Variants in TRAPPC8 observed in about 807,000 individuals in gnomAD.
TRAPPC8 encodes trafficking protein particle complex subunit 8.
TRAPPC8 carries 54 observed loss-of-function variants against 174.3 expected under a neutral mutation model. That is an observed-to-expected ratio of 0.31 (90% CI 0.25 to 0.39). The LOEUF is 0.39. Among genes scored for constraint, TRAPPC8 ranks in the 10% least tolerant of loss-of-function variants. The pLI is 1.00. For missense variants in TRAPPC8, 1,531 were observed against 1,699.1 expected (o/e 0.90, Z 1.74); for synonymous variants, 630 against 579.9 (o/e 1.09, Z -1.24).
In TRAPPC8 at chr18:31,852,335, T is replaced by A. The variant is rs554154986; in HGVS notation, c.3561+111A>T. The A allele has an allele frequency of 4.7e-5, 56 of 1,186,782 alleles. No homozygotes were observed. In the South Asian group the frequency reaches 7.9e-4, roughly 17 times the overall value. The allele number at this position is 1,186,782 out of a possible 1,614,324, so 73.5% of individuals were successfully genotyped here. On this transcript the variant is annotated intron_variant, in intron 24 of 28. Transcript: ENST00000283351. ...CTGGGAGACAGAGCAAGACCTTGTC[T>A]CCCCCCCAAAAAAAAGCGTTTGGGA...
At chr18:31,846,311 C>A (rs1057435187) in intron 26 of TRAPPC8, among the ~76,000 whole-genome samples, 1 of 152,166 alleles carries the variant, frequency 6.6e-6, no homozygotes, top group South Asian at 2.1e-4. Context: ...TGGTAGCTCA[C>A]GCCTATAATC....
At chr18:31,840,239 C>A (rs2033013480) in intron 26 of TRAPPC8, among the ~76,000 whole-genome samples, 1 of 152,072 alleles carries the variant, frequency 6.6e-6, no homozygotes, top group Non-Finnish European at 1.5e-5. Flanking sequence ...CACCTGTAAT[C>A]CTAGCTACTC....
At chr18:31,910,367 A>C (rs1317812065) in intron 5 of TRAPPC8, among the ~76,000 whole-genome samples, 2 of 152,220 alleles carry the variant, frequency 1.3e-5, no homozygotes, top group Non-Finnish European at 2.9e-5. Flanking sequence ...CTTTGAGGGA[A>C]TTTACATAAA....
At chr18:31,840,966 A>T (rs529777748) in intron 26 of TRAPPC8, among the ~76,000 whole-genome samples, 23 of 152,286 alleles carry the variant, frequency 1.5e-4, no homozygotes, top group Admixed American at 1.2e-3. Flanking sequence ...ATTATAGCCT[A>T]ATCAGTGGTA....
At chr18:31,915,183 A>G (rs2037077189) in intron 4 of TRAPPC8, among the ~76,000 whole-genome samples, 1 of 152,236 alleles carries the variant, frequency 6.6e-6, no homozygotes, top group African/African-American at 2.4e-5. Flanking sequence ...GAAATCTAAC[A>G]TAAGGCCAGG....
At chr18:31,909,563 A>G (rs1262418891) in intron 6 of TRAPPC8, 104 bp downstream of exon 6, 75 of 1,459,708 alleles carry the variant, frequency 5.1e-5, no homozygotes, top group Non-Finnish European at 6.6e-5. Flanking sequence ...ATCTTTCTGT[A>G]TTATGAAAAA....
chr18:31,843,915 A>G (rs2033245581), intron 26 of TRAPPC8, among the ~76,000 whole-genome samples: 1 of 152,016 alleles, frequency 6.6e-6, no homozygotes, highest in Non-Finnish European at 1.5e-5. Flanking sequence ...CATTTGTAAA[A>G]TGGGTGTAAT....
At chr18:31,875,997 C>A (rs2145233568) in intron 12 of TRAPPC8, among the ~76,000 whole-genome samples, 1 of 152,212 alleles carries the variant, frequency 6.6e-6, no homozygotes, top group Admixed American at 6.5e-5. Flanking sequence ...TTAGACAGAT[C>A]AGCAGGGTGA....
In TRAPPC8 at chr18:31,913,353, T is replaced by A; in HGVS notation, c.771+16A>T. 6.4e-7 allele frequency: 1 copy of A among 1,554,284 alleles called. No homozygotes were observed. The highest frequency in any genetic ancestry group is 8.6e-7 in the Non-Finnish European group (1 of 1,157,300). On this transcript the variant is annotated intron_variant, in intron 5 of 28. Transcript: ENST00000283351. ...TATCGTTTTTGTGGTTTGCTTCATT[T>A]ATTTTTTACATATACCTGGTTTTGA...
chr18:31,896,688 C>T (rs900000342), intron 11 of TRAPPC8, among the ~76,000 whole-genome samples: 1 of 152,072 alleles, frequency 6.6e-6, no homozygotes, highest in Non-Finnish European at 1.5e-5. Flanking sequence ...TGCAGTGGTG[C>T]GATCTCGGCT....
rs761588096 is a variant in TRAPPC8, at chr18:31,873,472, C to G, written c.2020G>C (p.Ala674Pro). Residue 674 changes from alanine (A) to proline (P), a missense_variant, in exon 14 of 29, where the codon GCA becomes CCA. Coordinates refer to ENST00000283351, the MANE Select transcript of TRAPPC8 (RefSeq NM_014939.5). ...QLPLPYINSS[A>P]TRVFFGHDRR... ...TCATGGCCAAAAAAAACCCGTGTTG[C>G]TGAACTGTTAATATACGGTAAAGGA... is the stretch of plus-strand genomic sequence containing the variant. 1 of 1,613,558 alleles carries G rather than the reference C, an allele frequency of 6.2e-7. No individual in the cohort carries two copies. Among genetic ancestry groups the G allele is most frequent in the Non-Finnish European group, 8.5e-7 (1 of 1,179,806 alleles).
At chr18:31,928,661 T>C (rs962353976) in intron 2 of TRAPPC8, among the ~76,000 whole-genome samples, 1 of 152,182 alleles carries the variant, frequency 6.6e-6, no homozygotes, top group Non-Finnish European at 1.5e-5. Flanking sequence ...TCTATTACAA[T>C]GTATTGTTGA....
intron 26 of TRAPPC8, among the ~76,000 whole-genome samples, chr18:31,844,188 T>C (rs2033261178): frequency 6.6e-6 from 1 of 152,174 alleles, no homozygotes; most frequent in Non-Finnish European, 1.5e-5. Context: ...ATAAAAAAAC[T>C]ACAAGTATAC....
intron 2 of TRAPPC8, among the ~76,000 whole-genome samples, chr18:31,927,559 C>G (rs2037668523): frequency 6.6e-6 from 1 of 151,998 alleles, no homozygotes; most frequent in African/African-American, 2.4e-5. Flanking sequence ...GCCCAGCTAC[C>G]AGCTAATTTT....
chr18:31,874,847 A>G lies in TRAPPC8; in HGVS notation c.1729-143T>C, dbSNP rs183941491. On this transcript the variant is annotated intron_variant, in intron 12 of 28. Coordinates refer to ENST00000283351, the MANE Select transcript of TRAPPC8 (RefSeq NM_014939.5). ...TGGGATAATGAAGAAAATAAAACTA[A>G]CATTTATGATAATCCCTTCACAATT... 3.1e-4 allele frequency: 209 copies of G among 674,846 alleles called. No homozygotes were observed. In the African/African-American group the frequency reaches 3.6e-3, roughly 11 times the overall value. The allele number at this position is 674,846 out of a possible 1,614,324, so 41.8% of individuals were successfully genotyped here. A position where few individuals can be genotyped will look rare whatever the true frequency, so the allele number is the denominator to read the frequency against.
In TRAPPC8 at chr18:31,890,976, A is replaced by G. The variant is rs2035929883; in HGVS notation, c.1597-110T>C. On this transcript the variant is annotated intron_variant, in intron 11 of 28. Coordinates refer to ENST00000283351, the MANE Select transcript of TRAPPC8 (RefSeq NM_014939.5). The stretch of plus-strand genomic sequence containing the variant: ...TAATATATAGCATATCCAATGTTTA[A>G]CTTAAGAGTATATGAGGGCAAAGAT... 2.9e-6 allele frequency: 3 copies of G among 1,023,708 alleles called. No individual in the cohort carries two copies. The East Asian group carries it at 9.6e-5, about 33-fold the overall frequency. 63.4% of individuals were successfully genotyped at this position (1,023,708 alleles called of 1,614,324 possible).
intron 24 of TRAPPC8, among the ~76,000 whole-genome samples, chr18:31,849,957 C>CT (rs202004944): frequency 0.011 from 1,641 of 145,420 alleles, 23 homozygotes; most frequent in African/African-American, 0.034. Flanking sequence ...TACCCTAAAT[C>CT]TTTTTTTTTT....
In TRAPPC8 at chr18:31,840,845, G is replaced by A. The variant is rs150786520; in HGVS notation, c.3838-1388C>T. ...AAAATAAAAGCTGGCACTGGTTCCAGATTCATCCCATTAACAACTAACAAA... is the reference window on the plus strand; with the variant it reads ...AAAATAAAAGCTGGCACTGGTTCCAAATTCATCCCATTAACAACTAACAAA... On this transcript the variant is annotated intron_variant, in intron 26 of 28. Coordinates refer to ENST00000283351, the MANE Select transcript of TRAPPC8 (RefSeq NM_014939.5). Among the ~76,000 whole-genome samples, 431 of 151,570 alleles carry A rather than the reference G, an allele frequency of 2.8e-3. 2 individuals are homozygous for A. Among genetic ancestry groups the A allele is most frequent in the African/African-American group, 9.5e-3 (394 of 41,290 alleles).
intron 2 of TRAPPC8, among the ~76,000 whole-genome samples, chr18:31,922,285 A>G (rs1158876272): frequency 1.3e-5 from 2 of 152,198 alleles, no homozygotes; most frequent in African/African-American, 4.8e-5. Context: ...TAACTTTCTA[A>G]ATACTAGTAG....
Sources: gnomAD v4.1 joint callset for allele counts (sites outside exome capture counted in the v4.1 genomes callset) on GRCh38, gnomAD v4.1.1 for gene constraint, MANE v1.5 for transcripts, NCBI Gene and HGNC (gene_info 2026-07-23, HGNC 2026-07-21) for gene names.